The following BBS9 variants were observed in gnomAD, a reference collection of about 807,000 sequenced individuals.
BBS9 encodes protein PTHB1.
Under a neutral mutation model 117.7 loss-of-function variants are expected in BBS9, and 89 were observed. The observed-to-expected ratio is 0.76, with a 90% CI of 0.64 to 0.90. The LOEUF (loss-of-function observed/expected upper bound fraction) is 0.90. Ranked by LOEUF, BBS9 falls within the 40% of genes least tolerant of loss-of-function variation. The pLI is 0.00. For synonymous variants in BBS9, 379 were observed against 370.9 expected, an observed-to-expected ratio of 1.02 and a Z score of -0.25; for missense variants, 982 against 1,042.2, an observed-to-expected ratio of 0.94 and a Z score of 0.80.
At chr7:33,594,310 T>C (rs1862384827) in intron 21 of BBS9, among the ~76,000 whole-genome samples, 1 of 152,104 alleles carries the variant, frequency 6.6e-6, no homozygotes, top group African/African-American at 2.4e-5. Context: ...CAAAGTTGGT[T>C]ATCAGGCAGC....
At chr7:33,355,056 A>G (rs1216328165) in intron 15 of BBS9, among the ~76,000 whole-genome samples, 3 of 152,084 alleles carry the variant, frequency 2.0e-5, no homozygotes, top group Non-Finnish European at 4.4e-5. Context: ...TACTTTGCCA[A>G]CTATAGAGAG....
At chr7:33,504,631 G>A (rs1297551526) in intron 19 of BBS9, among the ~76,000 whole-genome samples, 1 of 152,038 alleles carries the variant, frequency 6.6e-6, no homozygotes, top group Non-Finnish European at 1.5e-5. Context: ...TTGAGCCTCT[G>A]CGGCAGTCAG....
At chr7:33,427,479 A>G (rs965851879) in intron 19 of BBS9, among the ~76,000 whole-genome samples, 3 of 152,168 alleles carry the variant, frequency 2.0e-5, no homozygotes, top group African/African-American at 7.2e-5. Flanking sequence ...AATTAATCTC[A>G]GTTCCTATAG....
chr7:33,283,777 A>T (rs1210275437), intron 9 of BBS9, among the ~76,000 whole-genome samples: 1 of 152,128 alleles, frequency 6.6e-6, no homozygotes, highest in East Asian at 1.9e-4. Flanking sequence ...TTAAATGGTG[A>T]CAGCAGTTTG....
intron 15 of BBS9, among the ~76,000 whole-genome samples, chr7:33,356,431 T>C (rs1319212689): frequency 3.3e-5 from 5 of 151,802 alleles, no homozygotes; most frequent in Non-Finnish European, 7.4e-5. Flanking sequence ...CAGAATGTCA[T>C]GAAATAATAC....
chr7:33,622,332 G>T (rs2129223492), intron 21 of BBS9, among the ~76,000 whole-genome samples: 1 of 152,270 alleles, frequency 6.6e-6, no homozygotes, highest in Non-Finnish European at 1.5e-5. Context: ...GTTCTAGTTT[G>T]TGGGGTTCAG....
chr7:33,534,840 C>G (rs1190123483), intron 21 of BBS9, among the ~76,000 whole-genome samples: 2 of 152,162 alleles, frequency 1.3e-5, no homozygotes, highest in Non-Finnish European at 2.9e-5. Context: ...TTTCCCTCTT[C>G]CTAGCCTCTC....
chr7:33,617,938 A>G (rs531008597), intron 21 of BBS9, among the ~76,000 whole-genome samples: 1 of 152,206 alleles, frequency 6.6e-6, no homozygotes, highest in Non-Finnish European at 1.5e-5. Flanking sequence ...AAGTTCTTCA[A>G]AAATGAAGGG....
intron 20 of BBS9, among the ~76,000 whole-genome samples, chr7:33,528,337 T>TGTTC (rs1849994189): frequency 6.6e-6 from 1 of 152,122 alleles, no homozygotes; most frequent in East Asian, 1.9e-4. Context: ...GTTTTTTGTT[T>TGTTC]GTTTGTTTTT....
chr7:33,396,364 C>T (rs1827960528), intron 19 of BBS9, among the ~76,000 whole-genome samples: 1 of 151,854 alleles, frequency 6.6e-6, no homozygotes, highest in Admixed American at 6.6e-5. Flanking sequence ...TGATATAAAA[C>T]ATTTTATATA....
intron 9 of BBS9, among the ~76,000 whole-genome samples, chr7:33,318,133 A>G (rs565893711): frequency 6.6e-6 from 1 of 152,222 alleles, no homozygotes; most frequent in Non-Finnish European, 1.5e-5. Context: ...ACCCCCTTGC[A>G]TAACTTCCCA....
At chr7:33,236,706 A>G (rs1303350733) in intron 5 of BBS9, among the ~76,000 whole-genome samples, 1 of 152,110 alleles carries the variant, frequency 6.6e-6, no homozygotes, top group Admixed American at 6.5e-5. Flanking sequence ...ATCTATGTAT[A>G]CATTGTAGAA....
intron 21 of BBS9, among the ~76,000 whole-genome samples, chr7:33,546,552 A>G (rs189558309): frequency 1.4e-4 from 22 of 152,310 alleles, no homozygotes; most frequent in Admixed American, 8.5e-4. Context: ...TAGAAATACT[A>G]TGTTATTTTA....
At chr7:33,496,863 A>G (rs1297925315) in intron 19 of BBS9, among the ~76,000 whole-genome samples, 1 of 152,172 alleles carries the variant, frequency 6.6e-6, no homozygotes, top group African/African-American at 2.4e-5. Flanking sequence ...TTTGAGCCCT[A>G]TTTCATTGTT....
chr7:33,568,371 A>T (rs573313650), intron 21 of BBS9, among the ~76,000 whole-genome samples: 106 of 151,992 alleles, frequency 7.0e-4, no homozygotes, highest in African/African-American at 2.5e-3. Flanking sequence ...CCTTCCTCCC[A>T]CTTAACCAGA....
At chr7:33,164,437 G>A (rs1002917668) in intron 4 of BBS9, among the ~76,000 whole-genome samples, 4 of 152,172 alleles carry the variant, frequency 2.6e-5, no homozygotes, top group African/African-American at 9.7e-5. Context: ...GGGTGTTAAA[G>A]TCTCCCATTA....
chr7:33,350,841 G>A (rs1818507890), intron 13 of BBS9, among the ~76,000 whole-genome samples: 1 of 152,100 alleles, frequency 6.6e-6, no homozygotes, highest in South Asian at 2.1e-4. Context: ...CCTTCCAGGT[G>A]TCACCACGCC....
chr7:33,533,703 A>AG, intron 20 of BBS9: 1 of 531,074 alleles, frequency 1.9e-6, no homozygotes, highest in Non-Finnish European at 3.4e-6. Context: ...CAACCCTTGG[A>AG]GGGACAGACT....
At chr7:33,433,837 A>G (rs555011569) in intron 19 of BBS9, among the ~76,000 whole-genome samples, 1 of 152,186 alleles carries the variant, frequency 6.6e-6, no homozygotes, top group East Asian at 1.9e-4. Context: ...GAATGTGTAA[A>G]ACTTAGAACT....
Sources: allele counts gnomAD v4.1 joint callset (sites outside exome capture counted in the v4.1 genomes callset), GRCh38; gene constraint gnomAD v4.1.1; transcripts MANE v1.5; gene names NCBI Gene and HGNC (gene_info 2026-07-23, HGNC 2026-07-21).